Variants in SGCZ observed in about 807,000 individuals in gnomAD.
SGCZ encodes sarcoglycan zeta, also known as zeta-sarcoglycan.
In SGCZ, 40 loss-of-function variants were observed where a neutral mutation model predicts 41.3. That is an observed-to-expected ratio of 0.97 (90% CI 0.75 to 1.26). The LOEUF (loss-of-function observed/expected upper bound fraction) is 1.26. Ranked by LOEUF, SGCZ falls within the 50% of genes most tolerant of loss-of-function variation. The pLI, the probability that SGCZ is intolerant of heterozygous loss-of-function variation, is 0.00. For synonymous variants in SGCZ, 206 were observed against 137.5 expected (o/e 1.50, Z -3.49); for missense variants, 552 against 369.8 (o/e 1.49, Z -4.04).
intron 3 of SGCZ, among the ~76,000 whole-genome samples, chr8:14,283,078 T>C (rs1800504725): frequency 1.3e-5 from 2 of 151,884 alleles, no homozygotes; most frequent in African/African-American, 4.8e-5. Context: ...CTCGATCTCC[T>C]GACCTCGTGA....
intron 1 of SGCZ, among the ~76,000 whole-genome samples, chr8:14,980,603 C>T (rs532267008): frequency 6.6e-6 from 1 of 152,108 alleles, no homozygotes; most frequent in East Asian, 1.9e-4. Context: ...TCACGTCTTA[C>T]GTGAATGGCA....
chr8:14,669,847 T>C (rs1808047121), intron 1 of SGCZ, among the ~76,000 whole-genome samples: 1 of 152,176 alleles, frequency 6.6e-6, no homozygotes, highest in Non-Finnish European at 1.5e-5. Flanking sequence ...TTACTTCCTT[T>C]AGATATATAC....
At chr8:14,919,787 G>T (rs1191253856) in intron 1 of SGCZ, among the ~76,000 whole-genome samples, 1 of 151,894 alleles carries the variant, frequency 6.6e-6, no homozygotes, top group Admixed American at 6.6e-5. Context: ...GCATGGTGGT[G>T]CACGCTTGTA....
intron 4 of SGCZ, among the ~76,000 whole-genome samples, chr8:14,206,037 C>T (rs1435138762): frequency 1.3e-5 from 2 of 151,976 alleles, no homozygotes; most frequent in East Asian, 1.9e-4. Context: ...AAATTTAATG[C>T]TGTTTCCATT....
chr8:14,281,302 G>A (rs1800424876), intron 3 of SGCZ, among the ~76,000 whole-genome samples: 1 of 151,820 alleles, frequency 6.6e-6, no homozygotes, highest in African/African-American at 2.4e-5. Context: ...ATGATTATGT[G>A]CTAGGCCTTA....
At chr8:15,225,382 A>C (rs939775761) in intron 1 of SGCZ, among the ~76,000 whole-genome samples, 1 of 152,234 alleles carries the variant, frequency 6.6e-6, no homozygotes, top group South Asian at 2.1e-4. Context: ...TAAGAAAAGA[A>C]GATGTATTTC....
At chr8:14,379,641 A>T (rs1381855468) in intron 2 of SGCZ, among the ~76,000 whole-genome samples, 19 of 152,172 alleles carry the variant, frequency 1.2e-4, no homozygotes, top group Non-Finnish European at 2.4e-4. Flanking sequence ...ATAAATAAGC[A>T]TGTAATAATA....
chr8:14,532,701 G>A (rs1803169290), intron 2 of SGCZ, among the ~76,000 whole-genome samples: 1 of 125,820 alleles, frequency 7.9e-6, no homozygotes. Context: ...GTGAAAACTT[G>A]CTTTGTGTGT....
At chr8:14,347,298 GC>G (rs1375447870) in intron 2 of SGCZ, among the ~76,000 whole-genome samples, 3 of 152,084 alleles carry the variant, frequency 2.0e-5, no homozygotes, top group Non-Finnish European at 4.4e-5. Flanking sequence ...AATGTCTGGA[GC>G]TTTTACTGAG....
intron 4 of SGCZ, among the ~76,000 whole-genome samples, chr8:14,194,829 CA>C (rs1227154752): frequency 6.6e-5 from 10 of 151,774 alleles, no homozygotes; most frequent in Admixed American, 6.6e-4. Flanking sequence ...TTGAACAAAG[CA>C]AAAGCTCATA....
chr8:14,374,385 T>C lies in SGCZ; in HGVS notation c.235-50181A>G, dbSNP rs544304744. Among the ~76,000 whole-genome samples the C allele has an allele frequency of 5.9e-5, 9 of 152,246 alleles. No homozygotes were observed. In the South Asian group the frequency reaches 1.9e-3, roughly 32 times the overall value. The stretch of plus-strand genomic sequence containing the variant: ...GATGATTTGGTACATAGGTAGATAG[T>C]TTTTTAGGAACAAAAGGGAAAACAC... On this transcript the variant is annotated intron_variant, in intron 2 of 7. Coordinates refer to ENST00000382080, the MANE Select transcript of SGCZ (RefSeq NM_139167.4).
intron 1 of SGCZ, among the ~76,000 whole-genome samples, chr8:14,930,119 G>T (rs1409751629): frequency 6.6e-6 from 1 of 151,810 alleles, no homozygotes; most frequent in Non-Finnish European, 1.5e-5. Flanking sequence ...TGAATTAAAT[G>T]TAAGTTATTT....
At chr8:14,862,194 A>G (rs1240405996) in intron 1 of SGCZ, among the ~76,000 whole-genome samples, 1 of 152,060 alleles carries the variant, frequency 6.6e-6, no homozygotes, top group Non-Finnish European at 1.5e-5. Context: ...AGAAGACCGT[A>G]GAAGGGCTTT....
chr8:14,847,873 A>C (rs1803189127), intron 1 of SGCZ, among the ~76,000 whole-genome samples: 1 of 152,012 alleles, frequency 6.6e-6, no homozygotes, highest in Admixed American at 6.6e-5. Context: ...TCTCTAGTCA[A>C]CATTGTACTT....
At chr8:15,077,598 T>G (rs1006863230) in intron 1 of SGCZ, among the ~76,000 whole-genome samples, 1 of 152,204 alleles carries the variant, frequency 6.6e-6, no homozygotes, top group Non-Finnish European at 1.5e-5. Context: ...TTAACCTCCT[T>G]GTATGTTGAA....
intron 1 of SGCZ, among the ~76,000 whole-genome samples, chr8:15,124,090 G>C (rs1371504071): frequency 6.6e-6 from 1 of 152,140 alleles, no homozygotes; most frequent in African/African-American, 2.4e-5. Context: ...CATTAAATTT[G>C]TATTTTAGAA....
intron 1 of SGCZ, among the ~76,000 whole-genome samples, chr8:15,217,863 G>C (rs923788551): frequency 6.6e-6 from 1 of 152,108 alleles, no homozygotes; most frequent in African/African-American, 2.4e-5. Flanking sequence ...TGAGTTGGAC[G>C]GATCACTTGA....
chr8:15,227,484 T>G lies in SGCZ; in HGVS notation c.39+10101A>C, dbSNP rs535971693. Among the ~76,000 whole-genome samples the G allele has an allele frequency of 5.9e-5, 9 of 152,302 alleles. No individual in the cohort carries two copies. The South Asian group carries it at 1.9e-3, about 32-fold the overall frequency. ...CGTCTTATAATGTAAACTTTAGACA[T>G]TAGATTACTTAAAGAGGAAACAACA... On this transcript the variant is annotated intron_variant, in intron 1 of 7. Transcript: ENST00000382080.
rs1432546690 is a variant in SGCZ at position 14,690,118 on chromosome 8, T to TC, written c.40-135193_40-135192insG. ...GTAAATTGTGAGTGTTGTCTCTTTT[T>TC]TTTTTTTTTTTAAAGTCCATGGACT... On this transcript the variant is annotated intron_variant, in intron 1 of 7. Coordinates refer to ENST00000382080, the MANE Select transcript of SGCZ (RefSeq NM_139167.4). Among the ~76,000 whole-genome samples, 14 of 151,782 alleles carry TC rather than the reference T, an allele frequency of 9.2e-5. 1 individual carries two copies. The highest frequency in any genetic ancestry group is 2.1e-4 in the Non-Finnish European group (14 of 67,914).
Sources: allele counts gnomAD v4.1 joint callset (sites outside exome capture counted in the v4.1 genomes callset), GRCh38; gene constraint gnomAD v4.1.1; transcripts MANE v1.5; gene names NCBI Gene and HGNC (gene_info 2026-07-23, HGNC 2026-07-21).